Variants in ARAP2 observed in about 807,000 individuals in gnomAD.
ARAP2 encodes ArfGAP with RhoGAP domain, ankyrin repeat and PH domain 2.
Under a neutral mutation model 194.5 loss-of-function variants are expected in ARAP2, and 148 were observed. That is an observed-to-expected ratio of 0.76 (90% CI 0.67 to 0.87). The LOEUF (loss-of-function observed/expected upper bound fraction) is 0.87. ARAP2 is among the 40% of genes least tolerant of loss of function. The pLI is 0.00. For synonymous variants in ARAP2, 695 were observed against 683.5 expected (o/e 1.02, Z -0.26); for missense variants, 2,128 against 1,989.7 (o/e 1.07, Z -1.32).
intron 15 of ARAP2, among the ~76,000 whole-genome samples, chr4:36,156,368 AGGGAGGGG>A (rs1560548603): frequency 2.4e-5 from 1 of 41,860 alleles, no homozygotes; most frequent in East Asian, 1.4e-3. Context: ...GGAGGGAGGG[AGGGAGGGG>A]GAAAGAGAGA....
chr4:36,088,211 A>C (rs1712457917), intron 28 of ARAP2, among the ~76,000 whole-genome samples: 2 of 152,112 alleles, frequency 1.3e-5, no homozygotes, highest in Non-Finnish European at 2.9e-5. Flanking sequence ...CAACTGCAAA[A>C]GTGATCCTTA....
At chr4:36,053,498 T>A (rs889900124) in intron 2 of ARAP2, among the ~76,000 whole-genome samples, 6 of 152,168 alleles carry the variant, frequency 3.9e-5, no homozygotes, top group African/African-American at 1.4e-4. Context: ...CTGCCCAAGA[T>A]AACTACTGAT....
downstream of ARAP2, among the ~76,000 whole-genome samples, chr4:36,064,735 C>A (rs536318666): frequency 1.1e-4 from 16 of 152,294 alleles, no homozygotes; most frequent in African/African-American, 3.6e-4. Flanking sequence ...GGCTGAAGTC[C>A]ATGGACCCAG....
chr4:36,158,701 A>C, intron 15 of ARAP2, 29 bp downstream of exon 15: 1 of 1,549,002 alleles, frequency 6.5e-7, no homozygotes, highest in Non-Finnish European at 8.8e-7. Flanking sequence ...TTTTTATCTG[A>C]TAATATCTAA....
intron 5 of ARAP2, among the ~76,000 whole-genome samples, chr4:36,019,724 T>G (rs1310997950): frequency 6.6e-6 from 1 of 152,006 alleles, no homozygotes; most frequent in African/African-American, 2.4e-5. Flanking sequence ...TATGAAGAAC[T>G]GAATTATAGA....
intron 22 of ARAP2, among the ~76,000 whole-genome samples, chr4:36,124,646 C>T (rs561864912): frequency 1.1e-4 from 16 of 151,942 alleles, no homozygotes; most frequent in African/African-American, 3.9e-4. Flanking sequence ...TTTTTAAATT[C>T]TTGCTTATGC....
In ARAP2 at chr4:36,244,352, G is replaced by C. The variant is rs1257876967; in HGVS notation, c.-333C>G. 1 of 151,346 alleles carries C rather than the reference G, an allele frequency of 6.6e-6. No homozygotes were observed. The allele number at this position is 151,346 out of a possible 1,614,324, so 9.4% of individuals were successfully genotyped here. A position where few individuals can be genotyped will look rare whatever the true frequency, so the allele number is the denominator to read the frequency against. On this transcript the variant is annotated 5_prime_UTR_variant, in exon 1 of 33. Transcript: ENST00000303965. ...GCAGTCGCCTCTGCTGCCTGGCGGC[G>C]GCCGCGCGGGCGGCGCTGTTAGTGG... is the stretch of plus-strand genomic sequence containing the variant.
intron 16 of ARAP2, 76 bp downstream of exon 16, chr4:36,150,824 A>G: frequency 2.0e-6 from 3 of 1,486,010 alleles, no homozygotes; most frequent in Non-Finnish European, 2.7e-6. Context: ...AACTAAAATG[A>G]TAACAAAACT....
At position 36,133,249 on chromosome 4, in the gene ARAP2, C is replaced by T; in HGVS notation, c.3404G>A (p.Cys1135Tyr). The T allele has an allele frequency of 6.2e-7, 1 of 1,610,876 alleles. No homozygotes were observed. The highest frequency in any genetic ancestry group is 8.5e-7 in the Non-Finnish European group (1 of 1,178,026). The change falls in exon 20 of 33, where the codon TGT becomes TAT. Residue 1135 changes from cysteine to tyrosine, a missense_variant. Transcript: ENST00000303965. ...ACCATACTGTGTAACAAATGCTATA[C>T]AGCTGTTCACTATAATGGGAACGTC... ...KNDVPIIVNSCIAFVTQYGLG... is the reference protein window; with the variant it reads ...KNDVPIIVNSYIAFVTQYGLG...
In ARAP2 at chr4:36,091,895, A is replaced by G. The variant is rs147720769; in HGVS notation, c.4411T>C (p.Tyr1471His). The G allele has an allele frequency of 6.1e-5, 98 of 1,604,372 alleles. No individual in the cohort carries two copies. The African/African-American group carries it at 7.6e-4, about 12-fold the overall frequency. The change falls in exon 28 of 33, where the codon TAC (tyrosine) becomes CAC (histidine). Residue 1471 changes from tyrosine (Y) to histidine (H), a missense_variant. By Grantham distance (83) the Tyr-to-His change is moderately conservative. Transcript: ENST00000303965. Reference protein sequence around the residue: ...FVLRDGFLFLYKDVKSSKHDK... With the variant: ...FVLRDGFLFLHKDVKSSKHDK... ...AAATACTATACCTTCACATCCTTGT[A>G]AAGAAAGAGAAACCCATCTCGTAAA...
At chr4:36,042,992 A>C (rs574170692) in intron 5 of ARAP2, among the ~76,000 whole-genome samples, 1 of 151,938 alleles carries the variant, frequency 6.6e-6, no homozygotes, top group African/African-American at 2.4e-5. Flanking sequence ...ACAGGTGCCC[A>C]CTACCATGCC....
chr4:36,025,046 C>T (rs1717658832), intron 5 of ARAP2, among the ~76,000 whole-genome samples: 1 of 152,074 alleles, frequency 6.6e-6, no homozygotes, highest in South Asian at 2.1e-4. Flanking sequence ...TTCTAAGATT[C>T]CCTTACTAAT....
At chr4:36,121,708 T>C (rs1722718297) in intron 22 of ARAP2, among the ~76,000 whole-genome samples, 2 of 151,640 alleles carry the variant, frequency 1.3e-5, no homozygotes, top group African/African-American at 4.8e-5. Flanking sequence ...GCAGGAGGTA[T>C]GTAGAAAACA....
At chr4:36,133,593 G>A (rs945438519) in intron 19 of ARAP2, among the ~76,000 whole-genome samples, 13 of 151,586 alleles carry the variant, frequency 8.6e-5, no homozygotes, top group African/African-American at 2.9e-4. Flanking sequence ...TGAATTTATG[G>A]TCTCACTTCT....
chr4:36,187,616 C>T (rs757737265), intron 7 of ARAP2, 45 bp from the exon 8 acceptor site: 1 of 1,474,762 alleles, frequency 6.8e-7, no homozygotes, highest in South Asian at 1.4e-5. Context: ...AAACGAAATT[C>T]TCTTGATCTT....
intron 21 of ARAP2, among the ~76,000 whole-genome samples, chr4:36,127,445 G>T (rs1724223036): frequency 6.6e-6 from 1 of 152,010 alleles, no homozygotes; most frequent in African/African-American, 2.4e-5. Flanking sequence ...TACTTTTGCT[G>T]ACACTAACTA....
At chr4:36,126,213 T>G (rs929835183) in intron 21 of ARAP2, among the ~76,000 whole-genome samples, 7 of 152,042 alleles carry the variant, frequency 4.6e-5, no homozygotes, top group African/African-American at 1.7e-4. Flanking sequence ...TAATTCCCAG[T>G]ATAATGCAAA....
intron 6 of ARAP2, among the ~76,000 whole-genome samples, chr4:36,201,301 G>T (rs1291764766): frequency 6.6e-6 from 1 of 152,208 alleles, no homozygotes; most frequent in Non-Finnish European, 1.5e-5. Context: ...GCTCTTAACT[G>T]CTATACAAAG....
At chr4:36,046,934 A>C (rs1372271209) in intron 3 of ARAP2, 1 of 152,190 alleles carries the variant, frequency 6.6e-6, no homozygotes, top group African/African-American at 2.4e-5. Flanking sequence ...ACATAAATCT[A>C]AATACTAACA....
Sources: allele counts gnomAD v4.1 joint callset (sites outside exome capture counted in the v4.1 genomes callset), GRCh38; gene constraint gnomAD v4.1.1; transcripts MANE v1.5; gene names NCBI Gene and HGNC (gene_info 2026-07-23, HGNC 2026-07-21).